Variants in RNH1 observed in about 807,000 individuals in gnomAD.
RNH1 encodes the protein ribonuclease inhibitor.
In RNH1, 38 loss-of-function variants were observed where a neutral mutation model predicts 46.1. The ratio of observed to expected loss-of-function variants is 0.82; its 90% CI spans 0.64 to 1.08. The LOEUF (loss-of-function observed/expected upper bound fraction) is 1.08, where lower values mean the gene tolerates loss of function less well. RNH1 is among the 50% of genes least tolerant of loss of function. The probability of loss-of-function intolerance (pLI) is 0.00; values close to 1 mark genes in which losing one functional copy is unlikely to be tolerated. For synonymous variants in RNH1, 319 were observed against 279.1 expected (o/e 1.14, Z -1.43); for missense variants, 577 against 590.7 (o/e 0.98, Z 0.24).
Position 498,896 on chromosome 11 carries a change from C to T in RNH1, c.652G>A (p.Asp218Asn), listed in dbSNP as rs1212921880. 1.9e-6 allele frequency: 3 copies of T among 1,612,578 alleles called. No homozygotes were observed. The East Asian group carries it at 6.7e-5, about 36-fold the overall frequency. The change falls in exon 7 of 11, where the codon GAC becomes AAC. Residue 218 changes from aspartate to asparagine, a missense_variant. Coordinates refer to ENST00000354420, the MANE Select transcript of RNH1 (RefSeq NM_203387.3). Reference protein sequence around the residue: ...SCGVTSDNCRDLCGIVASKAS... With the variant: ...SCGVTSDNCRNLCGIVASKAS... ...TTGGAGGCCACAATGCCGCACAGGTCCCGGCAGTTGTCTGATGTCACACCG... is the reference window on the plus strand; with the variant it reads ...TTGGAGGCCACAATGCCGCACAGGTTCCGGCAGTTGTCTGATGTCACACCG...
At chr11:500,996 C>T (rs901290551) in intron 3 of RNH1, 8 of 386,064 alleles carry the variant, frequency 2.1e-5, no homozygotes, top group East Asian at 6.4e-5. Context: ...GGCGTGGTGG[C>T]GCATGCCCAT....
chr11:498,471 C>G lies in RNH1; in HGVS notation c.942G>C (p.Gln314His), dbSNP rs1284698048. Residue 314 changes from glutamine (Q) to histidine (H), a missense_variant, in exon 8 of 11, where the codon CAG becomes CAC. Gln to His is a conservative substitution (Grantham distance 24, BLOSUM62 0). Transcript: ENST00000354420. ...GCCACACTCACCACAGCGACTCCAG[C>G]TGGCAGCCAGGTTCCAGCAGGGTCT... ...LCETLLEPGCQLESLWVKSCS... is the reference protein window; with the variant it reads ...LCETLLEPGCHLESLWVKSCS... The G allele has an allele frequency of 6.2e-7, 1 of 1,612,898 alleles. No homozygotes were observed. Among genetic ancestry groups the G allele is most frequent in the Non-Finnish European group, 8.5e-7 (1 of 1,180,000 alleles).
rs1410747137 is a variant in RNH1, at chr11:502,617, G to A, written c.-87-368C>T. The A allele has an allele frequency of 1.4e-5, 3 of 210,600 alleles. No homozygotes were observed. The highest frequency in any genetic ancestry group is 6.8e-5 in the African/African-American group (3 of 44,048). The allele number at this position is 210,600 out of a possible 1,614,324, so 13.0% of individuals were successfully genotyped here. ...CAGCAGGGGAGCAAGGGGGTCTGTG[G>A]GCTTGACCTGTGTCTCACCCTCAGG... On this transcript the variant is annotated intron_variant, in intron 2 of 10. Transcript: ENST00000354420. This position sits in a 1 kb window ranked among gnomAD's most constrained non-coding sequence, Gnocchi z 5.8.
At chr11:500,875 T>C in intron 3 of RNH1, 3 of 659,538 alleles carry the variant, frequency 4.5e-6, no homozygotes, top group Non-Finnish European at 8.3e-6. Context: ...ACGCCTGTAA[T>C]CCCAGCACTT....
chr11:506,778 G>A (rs1054400653), intron 1 of RNH1: 1 of 152,380 alleles, frequency 6.6e-6, no homozygotes, highest in Non-Finnish European at 1.5e-5. Flanking sequence ...TAAGGCACTA[G>A]AGGGCTTGAC....
At position 502,569 on chromosome 11, in the gene RNH1, G is replaced by T; in HGVS notation, c.-87-320C>A. On this transcript the variant is annotated intron_variant, in intron 2 of 10. Transcript: ENST00000354420. This position sits in a 1 kb window ranked among gnomAD's most constrained non-coding sequence, Gnocchi z 5.8. ...TTGGGCAAGGACAGGGTAGGGTGGGGTGGTCTGTGAGCCTGGAGGCCCCAG... is the reference window on the plus strand; with the variant it reads ...TTGGGCAAGGACAGGGTAGGGTGGGTTGGTCTGTGAGCCTGGAGGCCCCAG... 2 of 249,636 alleles carry T rather than the reference G, an allele frequency of 8.0e-6. No homozygotes were observed. The highest frequency in any genetic ancestry group is 8.0e-6 in the Non-Finnish European group (1 of 124,272). 15.5% of individuals were successfully genotyped at this position (249,636 alleles called of 1,614,324 possible). A position where few individuals can be genotyped will look rare whatever the true frequency, so the allele number is the denominator to read the frequency against.
At chr11:495,131 G>A (rs765544042) in intron 9 of RNH1, 78 bp from the exon 10 acceptor site, 9 of 1,452,032 alleles carry the variant, frequency 6.2e-6, no homozygotes, top group Non-Finnish European at 8.4e-6. Flanking sequence ...CCTGGGCCTG[G>A]GGGGCGCGAC....
chr11:500,998 C>T (rs1849699703), intron 3 of RNH1: 1 of 385,980 alleles, frequency 2.6e-6, no homozygotes, highest in African/African-American at 2.1e-5. Flanking sequence ...CGTGGTGGCG[C>T]ATGCCCATAA....
Position 499,174 on chromosome 11 carries a change from C to G in RNH1, c.455G>C (p.Cys152Ser), listed in dbSNP as rs1251156343. 6.2e-7 allele frequency: 1 copy of G among 1,612,538 alleles called. No individual in the cohort carries two copies. Among genetic ancestry groups the G allele is most frequent in the East Asian group, 2.2e-5 (1 of 44,880 alleles). Residue 152 changes from cysteine to serine, a missense_variant, in exon 6 of 11, where the codon TGC (cysteine) becomes TCC (serine). By Grantham distance (112) the Cys-to-Ser change is moderately radical. Coordinates refer to ENST00000354420, the MANE Select transcript of RNH1 (RefSeq NM_203387.3). ...CRLEKLQLEYCSLSAASCEPL... is the reference protein window; with the variant it reads ...CRLEKLQLEYSSLSAASCEPL... ...CTCGCAGCTGGCAGCCGAGAGGCTGCAATACTCCAGCCTGGGGGACAGCAG... is the reference window on the plus strand; with the variant it reads ...CTCGCAGCTGGCAGCCGAGAGGCTGGAATACTCCAGCCTGGGGGACAGCAG...
At chr11:506,140 G>T (rs958455908) in intron 1 of RNH1, 1 of 152,118 alleles carries the variant, frequency 6.6e-6, no homozygotes, top group African/African-American at 2.4e-5. Flanking sequence ...CTGACTGCCC[G>T]GCCCAGTGTA....
Position 498,775 on chromosome 11 carries a change from A to G in RNH1, c.773T>C (p.Leu258Pro). ...GGAGATGACTCACCACAGGGTCCTG[A>G]GCCTGGAGCTGGGGTGGAGCAGCCC... ...CPGLLHPSSR[L>P]RTLWIWECGI... The change falls in exon 7 of 11, where the codon CTC becomes CCC. Residue 258 changes from leucine to proline, a missense_variant. Physicochemically the swap from Leu to Pro is moderately conservative, Grantham distance 98 (BLOSUM62 -3). Transcript: ENST00000354420. 6.2e-7 allele frequency: 1 copy of G among 1,602,102 alleles called. No individual in the cohort carries two copies. The highest frequency in any genetic ancestry group is 8.5e-7 in the Non-Finnish European group (1 of 1,177,808).
At chr11:496,072 C>T (rs1590718310) in intron 9 of RNH1, among the ~76,000 whole-genome samples, 1 of 151,788 alleles carries the variant, frequency 6.6e-6, no homozygotes, top group South Asian at 2.1e-4. Context: ...CATGGGCACA[C>T]CAAAAAAGAA....
chr11:498,952 C>G lies in RNH1; in HGVS notation c.615-19G>C. On this transcript the variant is annotated intron_variant, in intron 6 of 10. Coordinates refer to ENST00000354420, the MANE Select transcript of RNH1 (RefSeq NM_203387.3). Reference sequence around the variant, plus strand: ...CTCCAGCCTGGGGACACGGGTCACACGTGAGGCAGCACGGGACCCCCCCTA... The same window carrying G: ...CTCCAGCCTGGGGACACGGGTCACAGGTGAGGCAGCACGGGACCCCCCCTA... 1.2e-6 allele frequency: 2 copies of G among 1,611,972 alleles called. No individual in the cohort carries two copies.
Position 499,892 on chromosome 11 carries a change from T to A in RNH1, c.380A>T (p.Asp127Val), listed in dbSNP as rs1307370948. Residue 127 changes from aspartate (D) to valine (V), a missense_variant, in exon 5 of 11, where the codon GAT becomes GTT. Physicochemically the swap from Asp to Val is radical, Grantham distance 152. Coordinates refer to ENST00000354420, the MANE Select transcript of RNH1 (RefSeq NM_203387.3). ...TTCGCAGAGCAGCTGCAGGCCCGCA[T>A]CCCCCAAGAGGTTGTCGCTGAGGTG... Reference protein sequence around the residue: ...ELHLSDNLLGDAGLQLLCEGL... With the variant: ...ELHLSDNLLGVAGLQLLCEGL... 8 of 1,613,114 alleles carry A rather than the reference T, an allele frequency of 5.0e-6. No individual in the cohort carries two copies. The East Asian group carries it at 6.7e-5, about 13-fold the overall frequency.
chr11:503,283 C>T (rs979743608), intron 2 of RNH1: 6 of 152,252 alleles, frequency 3.9e-5, no homozygotes, highest in East Asian at 1.9e-4. Context: ...CCAACAGGAC[C>T]GCTTGAGAGG....
chr11:499,622 T>C, intron 5 of RNH1: 1 of 737,510 alleles, frequency 1.4e-6, no homozygotes, highest in Admixed American at 2.0e-5. Flanking sequence ...GGGAGGGTGA[T>C]GACAGATCCC....
chr11:497,584 T>A, intron 9 of RNH1, among the ~76,000 whole-genome samples: 1 of 107,964 alleles, frequency 9.3e-6, no homozygotes, highest in South Asian at 3.3e-4. Context: ...TGCTCATTCT[T>A]GCCCATGTGC....
chr11:500,582 C>T lies in RNH1; in HGVS notation c.174G>A (p.Leu58=), dbSNP rs1043173747. Residue 58 remains leucine (L), a synonymous_variant, in exon 4 of 11, where the codon CTG becomes CTA. Transcript: ENST00000354420. The part of the protein sequence containing the change: ...ISSALRVNPA[L]AELNLRSNEL... ...CGTTGCTGCGCAGGTTGAGCTCTGC[C>T]AGTGCAGGGTTGACTCGAAGTGCAG... The T allele has an allele frequency of 6.2e-7, 1 of 1,610,698 alleles. No homozygotes were observed. Among genetic ancestry groups the T allele is most frequent in the Non-Finnish European group, 8.5e-7 (1 of 1,180,008 alleles).
At chr11:495,189 A>G in intron 9 of RNH1, 136 bp from the exon 10 acceptor site, 1 of 863,926 alleles carries the variant, frequency 1.2e-6, no homozygotes, top group Non-Finnish European at 1.8e-6. Flanking sequence ...GGCCGTCCCC[A>G]AGGCTCACCG....
Sources: allele counts gnomAD v4.1 joint callset (sites outside exome capture counted in the v4.1 genomes callset), GRCh38; gene constraint gnomAD v4.1.1; non-coding constraint Gnocchi (gnomAD v3.1); transcripts MANE v1.5; gene names NCBI Gene and HGNC (gene_info 2026-07-23, HGNC 2026-07-21).